Variants in ANXA8L1 observed in about 807,000 individuals in gnomAD.
ANXA8L1 encodes the protein annexin A8-like protein 1.
A neutral mutation model predicts 22.5 loss-of-function variants in ANXA8L1; 10 were observed. The observed-to-expected ratio is 0.44, with a 90% CI of 0.27 to 0.75. ANXA8L1 has a LOEUF of 0.75. Ranked by LOEUF, ANXA8L1 falls within the 30% of genes least tolerant of loss-of-function variation. The pLI, the probability that ANXA8L1 is intolerant of heterozygous loss-of-function variation, is 0.15. For missense variants in ANXA8L1, 88 were observed against 219.6 expected (o/e 0.40, Z 3.79); for synonymous variants, 36 against 86.0 (o/e 0.42, Z 3.22).
In ANXA8L1 at chr10:46,385,454, T is replaced by G. The variant is rs1169519205; in HGVS notation, c.627T>G (p.Ser209Arg). ...MKFITILCTR[S>R]ATHLLRVFEE... ...TCATCACCATCCTGTGCACGCGCAG[T>G]GCCACTCACCTGCTGAGAGGTACCA... The change falls in exon 8 of 12, where the codon AGT becomes AGG. Residue 209 changes from serine to arginine, a missense_variant. By Grantham distance (110) the Ser-to-Arg change is moderately radical. Coordinates refer to ENST00000619162, the MANE Select transcript of ANXA8L1 (RefSeq NM_001098845.3). The G allele has an allele frequency of 4.6e-5, 47 of 1,027,628 alleles. 10 individuals carry two copies. Among genetic ancestry groups the G allele is most frequent in the Non-Finnish European group, 6.1e-5 (43 of 706,370 alleles). 63.7% of individuals were successfully genotyped at this position (1,027,628 alleles called of 1,614,324 possible).
chr10:46,390,848 G>A (rs1216733252), intron 11 of ANXA8L1, 23 bp from the exon 12 acceptor site: 2 of 1,115,814 alleles, frequency 1.8e-6, no homozygotes, highest in Non-Finnish European at 1.2e-6. Context: ...CCCTTCTCAC[G>A]CTTATGCGCC....
chr10:46,390,121 G>T (rs1840062321), intron 11 of ANXA8L1, among the ~76,000 whole-genome samples: 1 of 150,076 alleles, frequency 6.7e-6, no homozygotes, highest in Admixed American at 6.7e-5. Context: ...AAGAATCTGG[G>T]TGATCTGACC....
chr10:46,385,936 C>T, intron 9 of ANXA8L1, 129 bp downstream of exon 9: 1 of 154,616 alleles, frequency 6.5e-6, no homozygotes, highest in South Asian at 3.1e-5. Context: ...GATGTCCCCC[C>T]GACTCACACT....
chr10:46,389,448 A>G lies in ANXA8L1; in HGVS notation c.924+933A>G, dbSNP rs1467533949. 1.4e-5 allele frequency among the ~76,000 whole-genome samples: 2 copies of G among 147,622 alleles called. 1 individual carries two copies. The highest frequency in any genetic ancestry group is 5.1e-5 in the African/African-American group (2 of 38,986). On this transcript the variant is annotated intron_variant, in intron 11 of 11. Coordinates refer to ENST00000619162, the MANE Select transcript of ANXA8L1 (RefSeq NM_001098845.3). ...TACGGCATCAGAGAGATTTCTACAGATACATGAAGCCACCCTCTTCAAATT... is the reference window on the plus strand; with the variant it reads ...TACGGCATCAGAGAGATTTCTACAGGTACATGAAGCCACCCTCTTCAAATT...
rs1840030082 is a variant in ANXA8L1, at chr10:46,385,851, C to G, written c.742+44C>G. 1.6e-5 allele frequency: 4 copies of G among 246,220 alleles called. 1 individual carries two copies. Among genetic ancestry groups the G allele is most frequent in the Admixed American group, 1.8e-4 (2 of 10,930 alleles). 15.3% of individuals were successfully genotyped at this position (246,220 alleles called of 1,614,324 possible). A position where few individuals can be genotyped will look rare whatever the true frequency, so the allele number is the denominator to read the frequency against. ...ACGTTTTTCAGGCCACAGGGCTCAC[C>G]GTGGGGCAGCACCAAAGAACAAAGG... On this transcript the variant is annotated intron_variant, in intron 9 of 11. Transcript: ENST00000619162.
At chr10:46,390,424 T>C (rs1400775924) in intron 11 of ANXA8L1, among the ~76,000 whole-genome samples, 2 of 116,784 alleles carry the variant, frequency 1.7e-5, no homozygotes, top group South Asian at 5.1e-4. Flanking sequence ...CAGGGTGCGA[T>C]GGTCCAGGCT....
In ANXA8L1 at chr10:46,375,803, A is replaced by G; in HGVS notation, c.-49A>G. The stretch of plus-strand genomic sequence containing the variant: ...ACGTGTGGAGTCCCAGCAGAGGCCA[A>G]CCTGTGTCTCTTCATCTCCGTGAGA... On this transcript the variant is annotated 5_prime_UTR_variant, in exon 1 of 12. Transcript: ENST00000619162. 1.9e-6 allele frequency: 3 copies of G among 1,608,818 alleles called. No homozygotes were observed. Among genetic ancestry groups the G allele is most frequent in the Non-Finnish European group, 2.5e-6 (3 of 1,178,930 alleles).
rs1226993518 is a variant in ANXA8L1 at position 46,385,391 on chromosome 10, G to A, written c.564G>A (p.Ala188=). 6.7e-6 allele frequency: 7 copies of A among 1,047,934 alleles called. 1 individual carries two copies. Among genetic ancestry groups the A allele is most frequent in the East Asian group, 2.3e-5 (1 of 43,168 alleles). The allele number at this position is 1,047,934 out of a possible 1,614,324, so 64.9% of individuals were successfully genotyped here. A position where few individuals can be genotyped will look rare whatever the true frequency, so the allele number is the denominator to read the frequency against. ...TGTCCCAATGCTAGGATCTGTATGCGGCAGGCGAGAAGATTCGTGGGACTG... is the reference window on the plus strand; with the variant it reads ...TGTCCCAATGCTAGGATCTGTATGCAGCAGGCGAGAAGATTCGTGGGACTG... The part of the protein sequence containing the change: ...LALQDAQDLY[A]AGEKIRGTDE... Residue 188 remains alanine, a synonymous_variant, in exon 8 of 12, where the codon GCG becomes GCA. Coordinates refer to ENST00000619162, the MANE Select transcript of ANXA8L1 (RefSeq NM_001098845.3).
intron 1 of ANXA8L1, among the ~76,000 whole-genome samples, chr10:46,378,153 C>G (rs1419354108): frequency 1.2e-5 from 1 of 86,320 alleles, no homozygotes; most frequent in African/African-American, 4.9e-5. Context: ...CGCACCCCTG[C>G]GGGACTGCAT....
chr10:46,389,640 C>G (rs1840054344), intron 11 of ANXA8L1, among the ~76,000 whole-genome samples: 1 of 151,104 alleles, frequency 6.6e-6, no homozygotes, highest in Non-Finnish European at 1.5e-5. Context: ...TGTATAAACA[C>G]TTCAAGTATA....
chr10:46,381,058 C>G lies in ANXA8L1; in HGVS notation c.113-88C>G, dbSNP rs2133010026. On this transcript the variant is annotated intron_variant, in intron 2 of 11. Transcript: ENST00000619162. Reference sequence around the variant, plus strand: ...TGTCGGGTCCCAACTGCTCAGCCACCAAGCAGCTGCCTTCGCCTTCCCCTC... The same window carrying G: ...TGTCGGGTCCCAACTGCTCAGCCACGAAGCAGCTGCCTTCGCCTTCCCCTC... 5 of 385,288 alleles carry G rather than the reference C, an allele frequency of 1.3e-5. 1 individual carries two copies. The East Asian group carries it at 1.6e-4, about 12-fold the overall frequency. 23.9% of individuals were successfully genotyped at this position (385,288 alleles called of 1,614,324 possible). A position where few individuals can be genotyped will look rare whatever the true frequency, so the allele number is the denominator to read the frequency against.
At chr10:46,385,907 C>T in intron 9 of ANXA8L1, 100 bp downstream of exon 9, 1 of 173,420 alleles carries the variant, frequency 5.8e-6, no homozygotes, top group East Asian at 5.9e-5. Flanking sequence ...GAGAAAGAAT[C>T]CCTGTGTCAC....
In ANXA8L1 at chr10:46,390,681, T is replaced by G. The variant is rs1310080426; in HGVS notation, c.925-190T>G. 1.5e-5 allele frequency among the ~76,000 whole-genome samples: 2 copies of G among 137,202 alleles called. 1 individual carries two copies. Among genetic ancestry groups the G allele is most frequent in the Non-Finnish European group, 3.3e-5 (2 of 60,578 alleles). 90.0% of individuals were successfully genotyped at this position (137,202 alleles called of 152,430 possible). A position where few individuals can be genotyped will look rare whatever the true frequency, so the allele number is the denominator to read the frequency against. On this transcript the variant is annotated intron_variant, in intron 11 of 11. Coordinates refer to ENST00000619162, the MANE Select transcript of ANXA8L1 (RefSeq NM_001098845.3). ...AGTTGGTAAGAGAATCAAAAGGAAA[T>G]GTAAAGGAATAGCCTGAAATTAAAA...
rs1159133474 is a variant in ANXA8L1 at position 46,384,807 on chromosome 10, C to G, written c.526C>G (p.Pro176Ala). The change falls in exon 7 of 12, where the codon CCG becomes GCG. Residue 176 changes from proline to alanine, a missense_variant. Transcript: ENST00000619162. ...SRDDVSSFVD[P>A]ALALQDAQDL... ...GGATGATGTGAGCAGCTTTGTGGAC[C>G]CGGCACTGGCCCTCCAAGACGCACA... 1,677 of 1,612,886 alleles carry G rather than the reference C, an allele frequency of 1.0e-3. No homozygotes were observed. The East Asian group carries it at 0.017, about 16-fold the overall frequency.
intron 1 of ANXA8L1, among the ~76,000 whole-genome samples, chr10:46,376,669 G>A (rs1470072740): frequency 2.3e-5 from 3 of 130,670 alleles, no homozygotes; most frequent in Non-Finnish European, 3.3e-5. Flanking sequence ...TCTGTCTATG[G>A]TTGAGCCTGA....
chr10:46,378,876 CGATGGATG>C (rs377442622), intron 1 of ANXA8L1, among the ~76,000 whole-genome samples: 98 of 133,650 alleles, frequency 7.3e-4, no homozygotes, highest in African/African-American at 2.0e-3. Context: ...CCCAGGGCTT[CGATGGATG>C]GATGGATGGA....
chr10:46,389,816 A>G (rs1840057464), intron 11 of ANXA8L1, among the ~76,000 whole-genome samples: 1 of 151,546 alleles, frequency 6.6e-6, no homozygotes, highest in South Asian at 2.1e-4. Flanking sequence ...CAGGAGTCCA[A>G]GGCTGCCGTG....
At chr10:46,383,654 TG>T in intron 5 of ANXA8L1, 108 bp downstream of exon 5, 2 of 298,756 alleles carry the variant, frequency 6.7e-6, no homozygotes, top group Non-Finnish European at 1.2e-5. Flanking sequence ...AAGGACCCTT[TG>T]GGGACTTTTT....
intron 1 of ANXA8L1, among the ~76,000 whole-genome samples, chr10:46,377,244 G>A (rs1839939569): frequency 9.8e-6 from 1 of 102,288 alleles, no homozygotes; most frequent in Admixed American, 1.2e-4. Flanking sequence ...ACTGGGCCTT[G>A]CACCCAGTGC....
Sources: allele counts gnomAD v4.1 joint callset (sites outside exome capture counted in the v4.1 genomes callset), GRCh38; gene constraint gnomAD v4.1.1; transcripts MANE v1.5; gene names NCBI Gene and HGNC (gene_info 2026-07-23, HGNC 2026-07-21).